The following E2F6 variants were observed in gnomAD, a reference collection of about 807,000 sequenced individuals.
The protein encoded by E2F6 is transcription factor E2F6.
Under a neutral mutation model 31.5 loss-of-function variants are expected in E2F6, and 19 were observed. That is an observed-to-expected ratio of 0.60 (90% CI 0.42 to 0.89). The LOEUF is 0.89. Ranked by LOEUF, E2F6 falls within the 40% of genes least tolerant of loss-of-function variation. The pLI, the probability that E2F6 is intolerant of heterozygous loss-of-function variation, is 0.00. For synonymous variants in E2F6, 121 were observed against 127.7 expected (o/e 0.95, Z 0.36); for missense variants, 269 against 341.6 (o/e 0.79, Z 1.67).
At position 11,456,892 on chromosome 2, in the gene E2F6, A is replaced by AGTAAT. The variant is rs1671440430; in HGVS notation, c.163+286_163+287insATTAC. On this transcript the variant is annotated intron_variant, in intron 2 of 6. Coordinates refer to ENST00000381525, the MANE Select transcript of E2F6 (RefSeq NM_198256.4). ...GCCTCTAACAGATACCCTAAACATT[A>AGTAAT]ACCTAAGATAAGGGACAAGAAGGAA... is the stretch of plus-strand genomic sequence containing the variant. The AGTAAT allele has an allele frequency of 3.6e-5, 13 of 360,722 alleles. No homozygotes were observed. The South Asian group carries it at 4.0e-4, about 11-fold the overall frequency. 22.3% of individuals were successfully genotyped at this position (360,722 alleles called of 1,614,324 possible). A position where few individuals can be genotyped will look rare whatever the true frequency, so the allele number is the denominator to read the frequency against.
intron 2 of E2F6, among the ~76,000 whole-genome samples, chr2:11,456,248 C>G (rs1419433844): frequency 6.6e-6 from 1 of 152,152 alleles, no homozygotes. Context: ...AAGAGCGTCA[C>G]TGAAGAACTT....
At chr2:11,447,463 A>G (rs1416165990) in intron 6 of E2F6, among the ~76,000 whole-genome samples, 164 bp downstream of exon 6, 1 of 152,230 alleles carries the variant, frequency 6.6e-6, no homozygotes, top group Non-Finnish European at 1.5e-5. Context: ...AAATTTAACT[A>G]TAATGTTCAC....
At chr2:11,457,650 G>GCACA (rs1178164270) in intron 1 of E2F6, among the ~76,000 whole-genome samples, 1 of 151,946 alleles carries the variant, frequency 6.6e-6, no homozygotes, top group South Asian at 2.1e-4. Flanking sequence ...AAAAAAACAT[G>GCACA]CACACACACA....
intron 2 of E2F6, among the ~76,000 whole-genome samples, chr2:11,455,145 T>A (rs1276825445): frequency 6.6e-6 from 1 of 152,240 alleles, no homozygotes; most frequent in Non-Finnish European, 1.5e-5. Context: ...ACGGGCCTCA[T>A]CTCACATGCT....
At chr2:11,459,043 C>A (rs897851453) in intron 1 of E2F6, among the ~76,000 whole-genome samples, 14 of 152,120 alleles carry the variant, frequency 9.2e-5, no homozygotes, top group Non-Finnish European at 1.8e-4. Context: ...TTACATTTAA[C>A]CCCTCTGCTA....
intron 5 of E2F6, among the ~76,000 whole-genome samples, chr2:11,448,319 G>A (rs555560194): frequency 3.9e-4 from 59 of 152,158 alleles, no homozygotes; most frequent in African/African-American, 1.3e-3. Context: ...TTTCCGTAAG[G>A]TATCAGGCAA....
chr2:11,464,038 T>G (rs1465102278), intron 1 of E2F6, among the ~76,000 whole-genome samples: 1 of 148,724 alleles, frequency 6.7e-6, no homozygotes, highest in African/African-American at 2.5e-5. Flanking sequence ...GAGAAGCAGA[T>G]GGAGCATCAA....
intron 2 of E2F6, among the ~76,000 whole-genome samples, chr2:11,456,535 T>C (rs1308486623): frequency 3.3e-5 from 5 of 152,190 alleles, no homozygotes; most frequent in Non-Finnish European, 7.4e-5. Context: ...TTCTAATCCA[T>C]ACCTATATTT....
chr2:11,460,423 C>A (rs1204779766), intron 1 of E2F6, among the ~76,000 whole-genome samples: 1 of 152,210 alleles, frequency 6.6e-6, no homozygotes, highest in African/African-American at 2.4e-5. Flanking sequence ...CCTTGGACAA[C>A]AACTTCAGAT....
In E2F6 at chr2:11,446,405, T is replaced by C; in HGVS notation, c.*72A>G. The C allele has an allele frequency of 2.6e-6, 3 of 1,167,846 alleles. No individual in the cohort carries two copies. Among genetic ancestry groups the C allele is most frequent in the Non-Finnish European group, 3.8e-6 (3 of 781,794 alleles). The allele number at this position is 1,167,846 out of a possible 1,614,324, so 72.3% of individuals were successfully genotyped here. On this transcript the variant is annotated 3_prime_UTR_variant, in exon 7 of 7. Transcript: ENST00000381525. ...CATGGATAATTTATTGCTCTGAGAA[T>C]CAAATTTGATGCGTAATTCTCCACG...
Position 11,456,641 on chromosome 2 carries a change from T to G in E2F6, c.163+538A>C, listed in dbSNP as rs1239570407. On this transcript the variant is annotated intron_variant, in intron 2 of 6. Coordinates refer to ENST00000381525, the MANE Select transcript of E2F6 (RefSeq NM_198256.4). ...GTTAGATATTATTATAAATTGGTGG[T>G]ATGGGACAGATGCAAGAAACACATC... Among the ~76,000 whole-genome samples the G allele has an allele frequency of 4.6e-5, 7 of 152,186 alleles. No individual in the cohort carries two copies. In the East Asian group the frequency reaches 1.3e-3, roughly 29 times the overall value.
intron 1 of E2F6, among the ~76,000 whole-genome samples, chr2:11,464,063 C>A (rs1338029454): frequency 2.0e-5 from 3 of 151,084 alleles, no homozygotes; most frequent in Non-Finnish European, 4.4e-5. Flanking sequence ...CAAGGAAGCT[C>A]AAGGGAGGGT....
chr2:11,451,886 T>C, intron 3 of E2F6, 80 bp from the exon 4 acceptor site: 1 of 1,360,172 alleles, frequency 7.4e-7, no homozygotes, highest in Non-Finnish European at 1.0e-6. Flanking sequence ...TTGGAACTTC[T>C]CCAAATGTTT....
At chr2:11,456,858 C>T (rs1432814009) in intron 2 of E2F6, among the ~76,000 whole-genome samples, 1 of 152,226 alleles carries the variant, frequency 6.6e-6, no homozygotes. Flanking sequence ...GAGCCATTTA[C>T]ATCCTATCGC....
chr2:11,452,341 C>T (rs953415421), intron 3 of E2F6, among the ~76,000 whole-genome samples: 11 of 152,162 alleles, frequency 7.2e-5, no homozygotes, highest in Non-Finnish European at 2.9e-5. Flanking sequence ...TGGTGGGTCA[C>T]GCCTGTAATC....
At position 11,465,997 on chromosome 2, in the gene E2F6, C is replaced by T; in HGVS notation, c.-118G>A. ...TCCAAGGGCCCAGCACCTAAGGGGTCCGCGGCTTCCTCCGAGGCGCCGCCC... is the reference window on the plus strand; with the variant it reads ...TCCAAGGGCCCAGCACCTAAGGGGTTCGCGGCTTCCTCCGAGGCGCCGCCC... On this transcript the variant is annotated 5_prime_UTR_variant, in exon 1 of 7. Transcript: ENST00000381525. 5 of 914,512 alleles carry T rather than the reference C, an allele frequency of 5.5e-6. No individual in the cohort carries two copies. Among genetic ancestry groups the T allele is most frequent in the Admixed American group, 3.8e-5 (1 of 26,166 alleles). 56.6% of individuals were successfully genotyped at this position (914,512 alleles called of 1,614,324 possible). A position where few individuals can be genotyped will look rare whatever the true frequency, so the allele number is the denominator to read the frequency against.
rs1353407529 is a variant in E2F6, at chr2:11,445,087, T to C, written c.*1390A>G. 5 of 152,204 alleles carry C rather than the reference T, an allele frequency of 3.3e-5. No homozygotes were observed. Among genetic ancestry groups the C allele is most frequent in the Admixed American group, 3.3e-4 (5 of 15,280 alleles). 9.4% of individuals were successfully genotyped at this position (152,204 alleles called of 1,614,324 possible). ...CAGGACTGGCAAAAGCCACCAGAGCTCAGAGGTATGTGAATCCTAAACACT... is the reference window on the plus strand; with the variant it reads ...CAGGACTGGCAAAAGCCACCAGAGCCCAGAGGTATGTGAATCCTAAACACT... On this transcript the variant is annotated 3_prime_UTR_variant, in exon 7 of 7. Coordinates refer to ENST00000381525, the MANE Select transcript of E2F6 (RefSeq NM_198256.4).
chr2:11,456,623 A>G (rs1355379713), intron 2 of E2F6, among the ~76,000 whole-genome samples: 1 of 152,226 alleles, frequency 6.6e-6, no homozygotes, highest in Non-Finnish European at 1.5e-5. Flanking sequence ...AATGTTAGAT[A>G]TTATTATAAA....
chr2:11,464,377 C>T (rs1671995772), intron 1 of E2F6, among the ~76,000 whole-genome samples: 2 of 151,562 alleles, frequency 1.3e-5, no homozygotes, highest in African/African-American at 2.4e-5. Flanking sequence ...ATTAGCCGTG[C>T]GTGGTGGCGG....
Sources: gnomAD v4.1 joint callset for allele counts (sites outside exome capture counted in the v4.1 genomes callset) on GRCh38, gnomAD v4.1.1 for gene constraint, MANE v1.5 for transcripts, NCBI Gene and HGNC (gene_info 2026-07-23, HGNC 2026-07-21) for gene names.